SDK1: variants seen among roughly 807,000 people sequenced by gnomAD.
SDK1 encodes the protein protein sidekick-1.
Under a neutral mutation model 245.5 loss-of-function variants are expected in SDK1, and 157 were observed. The ratio of observed to expected loss-of-function variants is 0.64; its 90% CI spans 0.56 to 0.73. SDK1 has a LOEUF of 0.73. SDK1 is among the 30% of genes least tolerant of loss of function. The pLI is 0.00. For synonymous variants in SDK1, 1,647 were observed against 1,278.5 expected, an observed-to-expected ratio of 1.29 and a Z score of -6.15; for missense variants, 3,583 against 3,002.3, an observed-to-expected ratio of 1.19 and a Z score of -4.52.
intron 5 of SDK1, among the ~76,000 whole-genome samples, chr7:3,943,020 C>A (rs555414531): frequency 6.6e-6 from 1 of 152,274 alleles, no homozygotes; most frequent in East Asian, 1.9e-4. Flanking sequence ...CATGGCCTGT[C>A]CCTGTTCGAG....
intron 32 of SDK1, among the ~76,000 whole-genome samples, chr7:4,171,978 T>A (rs906626181): frequency 6.6e-6 from 1 of 152,160 alleles, no homozygotes; most frequent in African/African-American, 2.4e-5. Flanking sequence ...CTGGGTTTGC[T>A]CACTGGGGTC....
intron 5 of SDK1, among the ~76,000 whole-genome samples, chr7:3,853,874 A>G (rs1472728204): frequency 2.6e-5 from 4 of 152,136 alleles, no homozygotes; most frequent in Non-Finnish European, 4.4e-5. Flanking sequence ...CTGTAGTCCC[A>G]GCTACTCGAG....
At chr7:3,458,322 G>A (rs1215490977) in intron 1 of SDK1, among the ~76,000 whole-genome samples, 1 of 152,040 alleles carries the variant, frequency 6.6e-6, no homozygotes, top group African/African-American at 2.4e-5. Context: ...TAGGATATAA[G>A]CTCTAAAAGT....
intron 4 of SDK1, among the ~76,000 whole-genome samples, chr7:3,788,200 C>T (rs1780966108): frequency 6.6e-6 from 1 of 152,168 alleles, no homozygotes; most frequent in Admixed American, 6.5e-5. Context: ...GCAGTGTCCC[C>T]GCCTCTCAAC....
chr7:3,485,683 G>GTTTTTTTTTTTTT lies in SDK1; in HGVS notation c.299-133387_299-133375dup, dbSNP rs71552309. On this transcript the variant is annotated intron_variant, in intron 1 of 44. Transcript: ENST00000404826. ...GTGCTGAGGGGATGATCTTTGGAGG[G>GTTTTTTTTTTTTT]TTTTTTTTTTTTTTTTTTTTTTGAG... 3.9e-3 allele frequency among the ~76,000 whole-genome samples: 149 copies of GTTTTTTTTTTTTT among 38,170 alleles called. 29 individuals carry two copies. Among genetic ancestry groups the GTTTTTTTTTTTTT allele is most frequent in the African/African-American group, 7.2e-3 (68 of 9,438 alleles). 25.0% of individuals were successfully genotyped at this position (38,170 alleles called of 152,430 possible). A position where few individuals can be genotyped will look rare whatever the true frequency, so the allele number is the denominator to read the frequency against.
chr7:4,105,378 C>G (rs569658153), intron 22 of SDK1, among the ~76,000 whole-genome samples: 1 of 151,948 alleles, frequency 6.6e-6, no homozygotes, highest in Non-Finnish European at 1.5e-5. Context: ...ATGATCTCAG[C>G]TCACTGCATC....
intron 28 of SDK1, among the ~76,000 whole-genome samples, chr7:4,139,705 A>T (rs60883057): frequency 2.7e-5 from 3 of 111,874 alleles, no homozygotes; most frequent in African/African-American, 1.0e-4. Context: ...GTGTGTGTGT[A>T]TGTGTGTGTG....
At chr7:4,214,406 G>A (rs1211670257) in intron 38 of SDK1, among the ~76,000 whole-genome samples, 4 of 152,316 alleles carry the variant, frequency 2.6e-5, no homozygotes, top group South Asian at 2.1e-4. Context: ...TTCACAAATA[G>A]CAAGACCGTC....
chr7:3,370,134 A>G (rs1370942254), intron 1 of SDK1, among the ~76,000 whole-genome samples: 3 of 152,242 alleles, frequency 2.0e-5, no homozygotes, highest in Admixed American at 1.3e-4. Flanking sequence ...AAAGATGTAC[A>G]TATGACTTGA....
intron 43 of SDK1, among the ~76,000 whole-genome samples, chr7:4,243,083 A>G (rs1786632084): frequency 6.6e-6 from 1 of 152,342 alleles, no homozygotes; most frequent in Non-Finnish European, 1.5e-5. Context: ...AAACATGAAA[A>G]AGCAACCACA....
intron 33 of SDK1, 87 bp downstream of exon 33, chr7:4,174,444 C>A: frequency 7.0e-7 from 1 of 1,425,728 alleles, no homozygotes; most frequent in African/African-American, 1.4e-5. Flanking sequence ...TGGTGGGAAA[C>A]GCTGTGGAAG....
At chr7:3,646,763 G>T (rs1782851619) in intron 4 of SDK1, among the ~76,000 whole-genome samples, 1 of 152,154 alleles carries the variant, frequency 6.6e-6, no homozygotes, top group Non-Finnish European at 1.5e-5. Flanking sequence ...TTGCATAGAG[G>T]GGTTGAAAAG....
intron 1 of SDK1, among the ~76,000 whole-genome samples, chr7:3,548,275 G>A (rs1356304977): frequency 6.6e-6 from 1 of 152,032 alleles, no homozygotes; most frequent in Non-Finnish European, 1.5e-5. Flanking sequence ...TATACATCTG[G>A]AAAAAATAAT....
At chr7:3,927,283 AT>A (rs572158113) in intron 5 of SDK1, among the ~76,000 whole-genome samples, 10 of 151,014 alleles carry the variant, frequency 6.6e-5, no homozygotes, top group South Asian at 6.3e-4. Context: ...TTGAAATAGA[AT>A]TTTTTTTTTA....
At chr7:3,765,041 C>T (rs1438340472) in intron 4 of SDK1, among the ~76,000 whole-genome samples, 1 of 151,906 alleles carries the variant, frequency 6.6e-6, no homozygotes, top group African/African-American at 2.4e-5. Context: ...ACATATATAA[C>T]AACATAAAAC....
chr7:3,378,814 G>C (rs1229901484), intron 1 of SDK1, among the ~76,000 whole-genome samples: 2 of 152,034 alleles, frequency 1.3e-5, no homozygotes, highest in South Asian at 4.1e-4. Context: ...CCTGCTCGCT[G>C]GGGGGCCGGC....
intron 7 of SDK1, among the ~76,000 whole-genome samples, chr7:3,953,549 C>G (rs139774930): frequency 1.1e-3 from 170 of 152,302 alleles, no homozygotes; most frequent in African/African-American, 3.7e-3. Flanking sequence ...ATTATAGATT[C>G]AGCCAAAATT....
At chr7:3,588,094 C>G (rs1408176620) in intron 1 of SDK1, among the ~76,000 whole-genome samples, 1 of 152,278 alleles carries the variant, frequency 6.6e-6, no homozygotes, top group African/African-American at 2.4e-5. Flanking sequence ...GGTGGATCTA[C>G]GAGCCCTGTA....
chr7:4,219,553 G>A (rs1218403807), intron 38 of SDK1, among the ~76,000 whole-genome samples: 3 of 152,160 alleles, frequency 2.0e-5, no homozygotes, highest in African/African-American at 7.2e-5. Context: ...AGAACAGAAT[G>A]GGAGAAACAG....
Sources: gnomAD v4.1 joint callset for allele counts (sites outside exome capture counted in the v4.1 genomes callset) on GRCh38, gnomAD v4.1.1 for gene constraint, MANE v1.5 for transcripts, NCBI Gene and HGNC (gene_info 2026-07-23, HGNC 2026-07-21) for gene names.